ADISSP: variants seen among roughly 807,000 people sequenced by gnomAD.
ADISSP encodes the protein adipose-secreted signaling protein.
At chr20:3,764,692 A>T in the ADISSP span, among the ~76,000 whole-genome samples, 2 of 152,264 alleles carry the variant, frequency 1.3e-5, no homozygotes, top group Non-Finnish European at 2.9e-5. Flanking sequence ...TCAGCGCAGC[A>T]CCAGACAGGG....
the ADISSP span, among the ~76,000 whole-genome samples, chr20:3,756,147 C>T: frequency 4.6e-5 from 7 of 152,190 alleles, no homozygotes; most frequent in Non-Finnish European, 1.0e-4. Context: ...GGGATGGGAT[C>T]AAATTAGAGA....
the ADISSP span, chr20:3,755,351 A>G: frequency 2.1e-5 from 19 of 926,020 alleles, no homozygotes; most frequent in Admixed American, 3.6e-4. Context: ...GCAAGCTCAC[A>G]AAGAGGTGCC....
chr20:3,764,145 C>T, the ADISSP span, among the ~76,000 whole-genome samples: 108 of 152,308 alleles, frequency 7.1e-4, no homozygotes, highest in African/African-American at 2.4e-3. Flanking sequence ...CCCCCGACTA[C>T]AGCTGCCCCC....
At chr20:3,759,984 C>G in the ADISSP span, 1 of 1,586,388 alleles carries the variant, frequency 6.3e-7, no homozygotes, top group Non-Finnish European at 8.6e-7. This position sits in a 1 kb window ranked among gnomAD's most constrained non-coding sequence, Gnocchi z 4.6. Flanking sequence ...CACACACACA[C>G]ACACAGGTGG....
the ADISSP span, among the ~76,000 whole-genome samples, chr20:3,757,126 G>A: frequency 5.9e-3 from 902 of 152,240 alleles, 11 homozygotes; most frequent in African/African-American, 0.021. Flanking sequence ...CGACACGGAC[G>A]GATCACGAGG....
the ADISSP span, among the ~76,000 whole-genome samples, chr20:3,762,521 C>T: frequency 6.6e-6 from 1 of 152,152 alleles, no homozygotes; most frequent in Non-Finnish European, 1.5e-5. Context: ...CAGCCACGCA[C>T]CACCATGCCC....
chr20:3,761,372 G>A, the ADISSP span, among the ~76,000 whole-genome samples: 146 of 147,022 alleles, frequency 9.9e-4, no homozygotes, highest in South Asian at 2.8e-3. Context: ...TTTCACTCTT[G>A]TCACCCAGGC....
chr20:3,754,388 C>T, the ADISSP span: 17 of 1,604,856 alleles, frequency 1.1e-5, no homozygotes, highest in Admixed American at 3.4e-5. Context: ...AGGAGCCTCA[C>T]GCTCTCACCC....
the ADISSP span, chr20:3,759,972 T>G: frequency 1.6e-3 from 1,667 of 1,062,256 alleles, 23 homozygotes; most frequent in African/African-American, 0.055. The surrounding 1 kb of genome is among the most constrained non-coding windows in gnomAD (Gnocchi z 4.6). Context: ...CACTCACACA[T>G]GCACACACAC....
chr20:3,759,972 TGCACAC>T, the ADISSP span: 21 of 1,062,226 alleles, frequency 2.0e-5, no homozygotes, highest in Non-Finnish European at 2.7e-5. This position sits in a 1 kb window ranked among gnomAD's most constrained non-coding sequence, Gnocchi z 4.6. Context: ...CACTCACACA[TGCACAC>T]ACACACACAC....
chr20:3,766,950 C>T, the ADISSP span, among the ~76,000 whole-genome samples: 1 of 152,164 alleles, frequency 6.6e-6, no homozygotes, highest in Non-Finnish European at 1.5e-5. Context: ...GAACCTAAAT[C>T]CAGTCCCTCC....
At chr20:3,758,466 G>C in the ADISSP span, 2 of 1,466,532 alleles carry the variant, frequency 1.4e-6, no homozygotes, top group Admixed American at 3.4e-5. This position sits in a 1 kb window ranked among gnomAD's most constrained non-coding sequence, Gnocchi z 5.5. Context: ...GAGGAACGGG[G>C]ATAGGCACCC....
the ADISSP span, chr20:3,753,529 A>G: frequency 6.5e-6 from 1 of 154,774 alleles, no homozygotes; most frequent in Admixed American, 6.4e-5. Flanking sequence ...CTGGAAGTTT[A>G]TTTCTTTAGG....
chr20:3,754,388 C>A, the ADISSP span: 1 of 1,604,972 alleles, frequency 6.2e-7, no homozygotes, highest in Non-Finnish European at 8.5e-7. Flanking sequence ...AGGAGCCTCA[C>A]GCTCTCACCC....
chr20:3,757,034 T>C, the ADISSP span, among the ~76,000 whole-genome samples: 137 of 152,146 alleles, frequency 9.0e-4, 1 homozygote, highest in African/African-American at 3.1e-3. Context: ...GAAAAATAAA[T>C]AAATAAATAA....
chr20:3,758,588 T>C, the ADISSP span: 2 of 1,613,914 alleles, frequency 1.2e-6, no homozygotes, highest in Admixed American at 1.7e-5. The surrounding 1 kb of genome is among the most constrained non-coding windows in gnomAD (Gnocchi z 5.5). Flanking sequence ...CACCGAGTCA[T>C]GCAGCTTCTC....
chr20:3,759,870 T>C, the ADISSP span: 1 of 724,158 alleles, frequency 1.4e-6, no homozygotes, highest in Non-Finnish European at 2.4e-6. The surrounding 1 kb of genome is among the most constrained non-coding windows in gnomAD (Gnocchi z 4.6). Context: ...TCAGCAGGGC[T>C]CTGCAGGGGT....
At chr20:3,760,793 G>A in the ADISSP span, among the ~76,000 whole-genome samples, 1 of 152,178 alleles carries the variant, frequency 6.6e-6, no homozygotes, top group Non-Finnish European at 1.5e-5. Context: ...CTGAGTCTCA[G>A]GCCTGCCTCC....
chr20:3,757,306 C>T, the ADISSP span, among the ~76,000 whole-genome samples: 85 of 151,666 alleles, frequency 5.6e-4, no homozygotes, highest in Non-Finnish European at 2.8e-4. Flanking sequence ...GCTGAGATGG[C>T]GCCACTGTAC....
Sources: allele counts gnomAD v4.1 joint callset (sites outside exome capture counted in the v4.1 genomes callset), GRCh38; gene constraint gnomAD v4.1.1; non-coding constraint Gnocchi (gnomAD v3.1); transcripts MANE v1.5; gene names NCBI Gene and HGNC (gene_info 2026-07-23, HGNC 2026-07-21).